SAMM50: variants seen among roughly 807,000 people sequenced by gnomAD.
SAMM50 encodes the protein sorting and assembly machinery component 50 homolog.
Under a neutral mutation model 66.9 loss-of-function variants are expected in SAMM50, and 47 were observed. That is an observed-to-expected ratio of 0.70 (90% CI 0.56 to 0.90). The LOEUF is 0.90. Ranked by LOEUF, SAMM50 falls within the 40% of genes least tolerant of loss-of-function variation. The probability of loss-of-function intolerance (pLI) is 0.00; values close to 1 mark genes in which losing one functional copy is unlikely to be tolerated. For missense variants in SAMM50, 535 were observed against 595.3 expected (o/e 0.90, Z 1.05); for synonymous variants, 191 against 214.1 (o/e 0.89, Z 0.94).
chr22:43,996,116 C>T lies in SAMM50; in HGVS notation c.1365-222C>T, dbSNP rs567725209. On this transcript the variant is annotated intron_variant, in intron 14 of 14. Coordinates refer to ENST00000350028, the MANE Select transcript of SAMM50 (RefSeq NM_015380.5). ...AGGATTTGGGTCTCTCCTTCTTTCC[C>T]TTTTCCATTCTCCGAGGGCTTAACC... 7.6e-6 allele frequency: 5 copies of T among 659,824 alleles called. No individual in the cohort carries two copies. The East Asian group carries it at 1.0e-4, about 13-fold the overall frequency. The allele number at this position is 659,824 out of a possible 1,614,324, so 40.9% of individuals were successfully genotyped here. A position where few individuals can be genotyped will look rare whatever the true frequency, so the allele number is the denominator to read the frequency against.
intron 14 of SAMM50, 26 bp from the exon 15 acceptor site, chr22:43,996,312 G>A: frequency 1.2e-6 from 2 of 1,613,790 alleles, no homozygotes; most frequent in Non-Finnish European, 1.7e-6. Flanking sequence ...AGCGGCCGCC[G>A]CATCTGATCT....
At chr22:43,966,690 G>A (rs1159469424) in intron 3 of SAMM50, among the ~76,000 whole-genome samples, 2 of 151,978 alleles carry the variant, frequency 1.3e-5, no homozygotes, top group African/African-American at 4.8e-5. Context: ...TCCATGAGAC[G>A]GTCTCTTTCC....
In SAMM50 at chr22:43,983,850, A is replaced by T; in HGVS notation, c.1008-83A>T. ...TAATCTAGTATCGAATGTGAGTCTG[A>T]CATGTGTTTCCTACGCGTTCCGTGT... On this transcript the variant is annotated intron_variant, in intron 11 of 14. Coordinates refer to ENST00000350028, the MANE Select transcript of SAMM50 (RefSeq NM_015380.5). This position sits in a 1 kb window ranked among gnomAD's most constrained non-coding sequence, Gnocchi z 4.2. 1.1e-6 allele frequency: 1 copy of T among 931,588 alleles called. No homozygotes were observed. Among genetic ancestry groups the T allele is most frequent in the Non-Finnish European group, 1.7e-6 (1 of 597,476 alleles). The allele number at this position is 931,588 out of a possible 1,614,324, so 57.7% of individuals were successfully genotyped here. A position where few individuals can be genotyped will look rare whatever the true frequency, so the allele number is the denominator to read the frequency against.
At chr22:43,971,018 A>AC (rs1603419039) in intron 4 of SAMM50, among the ~76,000 whole-genome samples, 1 of 152,030 alleles carries the variant, frequency 6.6e-6, no homozygotes, top group East Asian at 1.9e-4. Context: ...TACAAAAAAT[A>AC]TTGGCAGAGT....
intron 1 of SAMM50, among the ~76,000 whole-genome samples, chr22:43,955,920 C>T (rs1243651509): frequency 6.6e-6 from 1 of 152,202 alleles, no homozygotes; most frequent in Non-Finnish European, 1.5e-5. Context: ...TAAGTTTTCT[C>T]TCTTTACTGG....
rs547736117 is a variant in SAMM50 at position 43,996,062 on chromosome 22, T to G, written c.1365-276T>G. On this transcript the variant is annotated intron_variant, in intron 14 of 14. Transcript: ENST00000350028. ...TCCTCTCCGTCCGGAGAGGGGAACGTGAAGGAGGTGAGGAGGGAGTAGTGC... is the reference window on the plus strand; with the variant it reads ...TCCTCTCCGTCCGGAGAGGGGAACGGGAAGGAGGTGAGGAGGGAGTAGTGC... 1.1e-4 allele frequency: 56 copies of G among 509,756 alleles called. 1 individual carries two copies. In the South Asian group the frequency reaches 1.2e-3, roughly 11 times the overall value. The allele number at this position is 509,756 out of a possible 1,614,324, so 31.6% of individuals were successfully genotyped here. A position where few individuals can be genotyped will look rare whatever the true frequency, so the allele number is the denominator to read the frequency against.
intron 4 of SAMM50, 32 bp from the exon 5 acceptor site, chr22:43,972,204 G>A: frequency 7.4e-7 from 1 of 1,354,142 alleles, no homozygotes; most frequent in Non-Finnish European, 1.0e-6. Flanking sequence ...TAACATCCTG[G>A]CTGTCTTATT....
chr22:43,959,866 AG>A (rs1184532096), intron 1 of SAMM50, among the ~76,000 whole-genome samples: 1 of 152,214 alleles, frequency 6.6e-6, no homozygotes, highest in Non-Finnish European at 1.5e-5. Flanking sequence ...GTATATTTAC[AG>A]GGTATTAATC....
Position 43,964,495 on chromosome 22 carries a change from A to G in SAMM50, c.176A>G (p.Lys59Arg). The G allele has an allele frequency of 6.2e-7, 1 of 1,613,038 alleles. No individual in the cohort carries two copies. The highest frequency in any genetic ancestry group is 8.5e-7 in the Non-Finnish European group (1 of 1,178,984). ...HVHFDGLGRT[K>R]DDIIICEIGD... ...CATTTTGATGGACTTGGAAGGACTA[A>G]AGATGATATCATCATTTGTGAAATT... is the stretch of plus-strand genomic sequence containing the variant. Residue 59 changes from lysine (K) to arginine (R), a missense_variant, in exon 3 of 15, where the codon AAA becomes AGA. Physicochemically the swap from Lys to Arg is conservative, Grantham distance 26. Transcript: ENST00000350028.
At chr22:43,986,677 G>T (rs1262821501) in intron 12 of SAMM50, 1 of 151,474 alleles carries the variant, frequency 6.6e-6, no homozygotes, top group Non-Finnish European at 1.5e-5. Flanking sequence ...TCAACCTCCT[G>T]AATAGCTGGG....
At chr22:43,968,525 C>T (rs1288753671) in intron 3 of SAMM50, among the ~76,000 whole-genome samples, 1 of 152,178 alleles carries the variant, frequency 6.6e-6, no homozygotes, top group Non-Finnish European at 1.5e-5. Context: ...GATGCCAAGG[C>T]TTGGTTTTGC....
intron 12 of SAMM50, among the ~76,000 whole-genome samples, chr22:43,984,697 C>T (rs987160308): frequency 4.6e-5 from 7 of 151,792 alleles, no homozygotes; most frequent in African/African-American, 1.2e-4. Flanking sequence ...GGCACGATCT[C>T]GGCTCACTGC....
At chr22:43,963,491 G>A (rs1391155938) in intron 2 of SAMM50, 95 bp downstream of exon 2, 12 of 649,604 alleles carry the variant, frequency 1.8e-5, no homozygotes, top group East Asian at 2.9e-5. Context: ...ACCTGTTTCC[G>A]TGCCTTTATC....
At chr22:43,979,539 G>A (rs1335633721) in intron 10 of SAMM50, among the ~76,000 whole-genome samples, 4 of 152,160 alleles carry the variant, frequency 2.6e-5, no homozygotes, top group African/African-American at 7.2e-5. Context: ...CCAATGTCGC[G>A]TTCTGAGTCG....
intron 3 of SAMM50, among the ~76,000 whole-genome samples, chr22:43,968,109 C>T (rs1259232501): frequency 1.3e-5 from 2 of 151,320 alleles, no homozygotes; most frequent in Non-Finnish European, 2.9e-5. Flanking sequence ...TGCCTGCAAT[C>T]CCAGCTACTC....
chr22:43,972,374 G>A, intron 5 of SAMM50, 32 bp downstream of exon 5: 1 of 1,333,142 alleles, frequency 7.5e-7, no homozygotes, highest in Non-Finnish European at 1.0e-6. Context: ...TTCTTATATT[G>A]GAACTTAGAG....
intron 4 of SAMM50, among the ~76,000 whole-genome samples, chr22:43,971,919 A>T (rs2146813637): frequency 6.6e-6 from 1 of 152,164 alleles, no homozygotes; most frequent in Admixed American, 6.5e-5. Context: ...GCTGGTCTTG[A>T]ACTCTTGGCC....
intron 4 of SAMM50, among the ~76,000 whole-genome samples, chr22:43,969,104 C>T (rs978789381): frequency 2.0e-5 from 3 of 152,088 alleles, no homozygotes; most frequent in Non-Finnish European, 2.9e-5. Context: ...CTTACAGTTG[C>T]GGGCCTGGAT....
At chr22:43,987,006 CTT>C (rs1258692965) in intron 12 of SAMM50, 1 of 152,092 alleles carries the variant, frequency 6.6e-6, no homozygotes, top group South Asian at 2.1e-4. Flanking sequence ...AGAAAAGTAA[CTT>C]AAGTTTTTGA....
Sources: gnomAD v4.1 joint callset for allele counts (sites outside exome capture counted in the v4.1 genomes callset) on GRCh38, gnomAD v4.1.1 for gene constraint, Gnocchi (gnomAD v3.1) non-coding constraint, MANE v1.5 for transcripts, NCBI Gene and HGNC (gene_info 2026-07-23, HGNC 2026-07-21) for gene names.